The following PIGN variants were observed in gnomAD, a reference collection of about 807,000 sequenced individuals.
The protein encoded by PIGN is GPI ethanolamine phosphate transferase 1.
In PIGN, 117 loss-of-function variants were observed where a neutral mutation model predicts 125.4. The observed-to-expected ratio is 0.93, with a 90% CI of 0.80 to 1.09. The LOEUF is 1.09. Ranked by LOEUF, PIGN falls within the 50% of genes least tolerant of loss-of-function variation. The pLI is 0.00. For synonymous variants in PIGN, 392 were observed against 377.8 expected, an observed-to-expected ratio of 1.04 and a Z score of -0.44; for missense variants, 1,075 against 1,094.9, an observed-to-expected ratio of 0.98 and a Z score of 0.26.
intron 30 of PIGN, among the ~76,000 whole-genome samples, chr18:62,061,387 G>GTGTC (rs962446164): frequency 6.6e-6 from 1 of 150,496 alleles, no homozygotes; most frequent in African/African-American, 2.5e-5. Flanking sequence ...CAAATTCTGG[G>GTGTC]ACAGATTCCC....
At chr18:62,139,800 C>A (rs1049606740) in intron 12 of PIGN, among the ~76,000 whole-genome samples, 1 of 152,180 alleles carries the variant, frequency 6.6e-6, no homozygotes, top group African/African-American at 2.4e-5. Flanking sequence ...TGCTACTCTA[C>A]CCTCATGTCA....
intron 23 of PIGN, among the ~76,000 whole-genome samples, chr18:62,094,910 G>C (rs2034113768): frequency 6.6e-6 from 1 of 152,084 alleles, no homozygotes; most frequent in Non-Finnish European, 1.5e-5. Flanking sequence ...GAACTCCTGG[G>C]GTCTAGGTCA....
intron 23 of PIGN, among the ~76,000 whole-genome samples, chr18:62,094,110 T>C (rs542915089): frequency 6.6e-6 from 1 of 152,264 alleles, no homozygotes; most frequent in East Asian, 1.9e-4. Flanking sequence ...GCATCTCCTA[T>C]GACTATTAAA....
At chr18:62,145,295 C>T (rs557887011) in intron 10 of PIGN, among the ~76,000 whole-genome samples, 33 of 152,190 alleles carry the variant, frequency 2.2e-4, no homozygotes, top group African/African-American at 7.5e-4. Context: ...CAATGTCTCC[C>T]CTGTGGACCT....
chr18:62,153,308 CATT>C, intron 7 of PIGN: 1 of 152,266 alleles, frequency 6.6e-6, no homozygotes, highest in Non-Finnish European at 1.5e-5. Context: ...TTCATATTTT[CATT>C]ATAACTTGGT....
At chr18:62,084,048 C>T (rs1389299491) in intron 27 of PIGN, among the ~76,000 whole-genome samples, 1 of 152,072 alleles carries the variant, frequency 6.6e-6, no homozygotes, top group Non-Finnish European at 1.5e-5. Context: ...AATCTGAACC[C>T]CTGGAAAGCT....
At chr18:62,119,373 A>G (rs1051241291) in intron 14 of PIGN, among the ~76,000 whole-genome samples, 14 of 152,094 alleles carry the variant, frequency 9.2e-5, no homozygotes, top group Admixed American at 2.0e-4. Context: ...TATGGTTAAT[A>G]TGTCAAGAAG....
intron 7 of PIGN, chr18:62,153,810 A>G (rs1322226396): frequency 6.6e-6 from 1 of 152,204 alleles, no homozygotes; most frequent in African/African-American, 2.4e-5. Context: ...AAATGGCTAT[A>G]TCATGGAGAA....
At chr18:62,081,701 C>T (rs1206963650) in intron 28 of PIGN, among the ~76,000 whole-genome samples, 1 of 152,224 alleles carries the variant, frequency 6.6e-6, no homozygotes, top group East Asian at 1.9e-4. Flanking sequence ...AACAAAGATG[C>T]AGGAAAGTAC....
At position 62,113,285 on chromosome 18, in the gene PIGN, G is replaced by C. The variant is rs2034956259; in HGVS notation, c.1283C>G (p.Ala428Gly). 6.2e-7 allele frequency: 1 copy of C among 1,611,172 alleles called. No homozygotes were observed. Among genetic ancestry groups the C allele is most frequent in the South Asian group, 1.1e-5 (1 of 90,452 alleles). ...VSLCKELIHL[A>G]LKGLSYYHTY... ...GTGATAATAGGACAATCCTTTCAAT[G>C]CAAGATGAATTAGCTCCTTGCAAAG... Residue 428 changes from alanine to glycine, a missense_variant, in exon 16 of 31, where the codon GCA (alanine) becomes GGA (glycine). Ala to Gly is a moderately conservative substitution (Grantham distance 60). Around this residue, in one of 3 missense-constraint regions of PIGN, gnomAD observed 915 missense variants for 908.7 expected, o/e 1.01. Coordinates refer to ENST00000640252, the MANE Select transcript of PIGN (RefSeq NM_176787.5).
At chr18:62,058,860 C>T (rs1304645213) in intron 30 of PIGN, 1 of 152,010 alleles carries the variant, frequency 6.6e-6, no homozygotes, top group Non-Finnish European at 1.5e-5. Context: ...CCTCAGAAGA[C>T]ACTCCAAAAT....
At chr18:62,127,627 C>T (rs1174931780) in intron 14 of PIGN, among the ~76,000 whole-genome samples, 2 of 152,038 alleles carry the variant, frequency 1.3e-5, no homozygotes, top group Admixed American at 1.3e-4. Context: ...ATGAGGAAAG[C>T]AATGGTGCAA....
chr18:62,051,843 C>G (rs1216176348), intron 30 of PIGN: 9 of 152,078 alleles, frequency 5.9e-5, no homozygotes, highest in Non-Finnish European at 1.2e-4. Flanking sequence ...GCATTTAGTG[C>G]TATAAATTTC....
intron 24 of PIGN, among the ~76,000 whole-genome samples, chr18:62,090,075 T>C (rs1199077079): frequency 6.6e-6 from 1 of 152,120 alleles, no homozygotes; most frequent in Non-Finnish European, 1.5e-5. Context: ...AACGTAAATG[T>C]CACCTTATAA....
At chr18:62,063,624 A>T (rs976971288) in intron 30 of PIGN, among the ~76,000 whole-genome samples, 1 of 149,410 alleles carries the variant, frequency 6.7e-6, no homozygotes, top group East Asian at 2.1e-4. Flanking sequence ...TAAGTCCCCT[A>T]ATTGAAATTA....
At chr18:62,148,649 G>T (rs10164266) in intron 7 of PIGN, among the ~76,000 whole-genome samples, 1 of 152,018 alleles carries the variant, frequency 6.6e-6, no homozygotes, top group Admixed American at 6.5e-5. Flanking sequence ...GCAGATTGAA[G>T]ACATATTTTG....
At chr18:62,134,323 A>G (rs2035849440) in intron 14 of PIGN, among the ~76,000 whole-genome samples, 1 of 152,120 alleles carries the variant, frequency 6.6e-6, no homozygotes, top group African/African-American at 2.4e-5. Flanking sequence ...CCCAGGAGGC[A>G]GAGGTTGCAG....
At chr18:62,174,750 TA>T (rs1164164268) in intron 1 of PIGN, among the ~76,000 whole-genome samples, 2 of 152,008 alleles carry the variant, frequency 1.3e-5, no homozygotes, top group South Asian at 4.1e-4. Flanking sequence ...GCATTATTTT[TA>T]AAAGTGGTTT....
At chr18:62,121,601 T>C (rs574546832) in intron 14 of PIGN, among the ~76,000 whole-genome samples, 52 of 152,228 alleles carry the variant, frequency 3.4e-4, no homozygotes, top group Non-Finnish European at 4.3e-4. Context: ...CTCCCACATA[T>C]GAGTGAGAAC....
Sources: allele counts gnomAD v4.1 joint callset (sites outside exome capture counted in the v4.1 genomes callset), GRCh38; gene constraint gnomAD v4.1.1; regional missense constraint gnomAD v4.1.1; transcripts MANE v1.5; gene names NCBI Gene and HGNC (gene_info 2026-07-23, HGNC 2026-07-21).